The following OR6B3 variants were observed in gnomAD, a reference collection of about 807,000 sequenced individuals.
OR6B3 encodes olfactory receptor 6B3.
For missense variants in OR6B3, 315 were observed against 427.4 expected (o/e 0.74, Z 2.32); for synonymous variants, 148 against 187.8 (o/e 0.79, Z 1.73).
Position 240,045,417 on chromosome 2 carries a change from G to A in OR6B3, c.656C>T (p.Ala219Val), listed in dbSNP as rs781352179. 3.3e-5 allele frequency: 53 copies of A among 1,614,040 alleles called. No individual in the cohort carries two copies. In the Middle Eastern group the frequency reaches 4.9e-4, roughly 15 times the overall value. The change falls in exon 2 of 2, where the codon GCG (alanine) becomes GTG (valine). Residue 219 changes from alanine to valine, a missense_variant. Physicochemically the swap from Ala to Val is moderately conservative, Grantham distance 64. Transcript: ENST00000641019. ...GCGCAGGACAGCCAGGGTGATGTGC[G>A]CATATGACAGCATGGTGGCCAGGAG...
chr2:240,045,094 G>T, exon 2 of OR6B3: 1 of 1,596,788 alleles, frequency 6.3e-7, no homozygotes, highest in Non-Finnish European at 8.5e-7. Flanking sequence ...GGCTGGCTGT[G>T]TATTTGGAGA....
At chr2:240,048,810 G>T (rs747567369), upstream of OR6B3, among the ~76,000 whole-genome samples, 11 of 152,202 alleles carry the variant, frequency 7.2e-5, no homozygotes, top group Non-Finnish European at 1.6e-4. Flanking sequence ...GATCTTTAAA[G>T]AAAAGGAGAA....
At chr2:240,051,077 CA>C (rs556241871), upstream of OR6B3, among the ~76,000 whole-genome samples, 126 of 152,148 alleles carry the variant, frequency 8.3e-4, no homozygotes, top group African/African-American at 3.0e-3. Context: ...TCGATAGCAG[CA>C]AAAACTTGTT....
chr2:240,049,846 A>G (rs1359639075), upstream of OR6B3, among the ~76,000 whole-genome samples: 1 of 152,156 alleles, frequency 6.6e-6, no homozygotes. Flanking sequence ...GGGAAAGGAT[A>G]AGATTGTAAT....
At chr2:240,049,975 G>C (rs1306000434), upstream of OR6B3, among the ~76,000 whole-genome samples, 1 of 151,882 alleles carries the variant, frequency 6.6e-6, no homozygotes. Flanking sequence ...GTAAATCATG[G>C]TTTTTAAAAG....
upstream of OR6B3, among the ~76,000 whole-genome samples, chr2:240,047,781 A>G (rs114351873): frequency 0.012 from 1,771 of 152,322 alleles, 27 homozygotes; most frequent in African/African-American, 0.04. Context: ...AGATTAAATG[A>G]CTGAATGAGA....
downstream of OR6B3, chr2:240,044,931 A>G: frequency 4.3e-6 from 3 of 689,734 alleles, no homozygotes. Flanking sequence ...TACAAAAACA[A>G]GAAAGTACTG....
chr2:240,048,704 C>G (rs1353506294), upstream of OR6B3, among the ~76,000 whole-genome samples: 1 of 152,220 alleles, frequency 6.6e-6, no homozygotes, highest in Non-Finnish European at 1.5e-5. Flanking sequence ...TAACACGGTG[C>G]AGCAAAAGCT....
upstream of OR6B3, among the ~76,000 whole-genome samples, chr2:240,047,503 C>A (rs1166750150): frequency 6.6e-6 from 1 of 152,184 alleles, no homozygotes; most frequent in Admixed American, 6.5e-5. Context: ...CGTGAAGGTA[C>A]AAGGTGGTGG....
At chr2:240,045,558 T>C (rs924934233) in exon 2 of OR6B3, 2 of 1,565,524 alleles carry the variant, frequency 1.3e-6, no homozygotes, top group African/African-American at 2.7e-5. Flanking sequence ...GTTCAAGACG[T>C]TGGAGCCACA....
At chr2:240,050,707 C>A (rs1215192560), upstream of OR6B3, among the ~76,000 whole-genome samples, 1 of 141,324 alleles carries the variant, frequency 7.1e-6, no homozygotes, top group African/African-American at 2.7e-5. Flanking sequence ...GAGTAAGACT[C>A]CGTCTCAAAG....
upstream of OR6B3, among the ~76,000 whole-genome samples, chr2:240,048,957 C>A (rs1387901758): frequency 6.6e-6 from 1 of 152,172 alleles, no homozygotes; most frequent in East Asian, 1.9e-4. Context: ...GTCCAGAAAG[C>A]CTCACCAGGG....
chr2:240,045,681 C>T (rs1698176144), exon 2 of OR6B3: 7 of 1,356,160 alleles, frequency 5.2e-6, no homozygotes, highest in African/African-American at 4.4e-5. Flanking sequence ...GACGTGGTAG[C>T]GCAGCGGGTG....
upstream of OR6B3, among the ~76,000 whole-genome samples, chr2:240,050,721 C>CAAAAAAAAA (rs61309204): frequency 1.7e-5 from 1 of 57,336 alleles, no homozygotes; most frequent in Non-Finnish European, 4.2e-5. Context: ...CTCAAAGAGA[C>CAAAAAAAAA]AAAAAAAAAA....
rs375040531 is a variant in OR6B3, at chr2:240,045,117, A to G, written c.956T>C (p.Leu319Pro). Residue 319 changes from leucine to proline, a missense_variant, in exon 2 of 2, where the codon CTT (leucine) becomes CCT (proline). Leu to Pro is a moderately conservative substitution (Grantham distance 98). Coordinates refer to ENST00000641019, the Ensembl canonical transcript of OR6B3. ...GTGTATTTGGAGATGAAGTTCCAGA[A>G]GACTAGAAAGCCTCCCCTCTACGGC... 61 of 1,607,622 alleles carry G rather than the reference A, an allele frequency of 3.8e-5. No homozygotes were observed. The highest frequency in any genetic ancestry group is 5.1e-5 in the Non-Finnish European group (60 of 1,177,952).
At chr2:240,052,267 G>A in the OR6B3 span, among the ~76,000 whole-genome samples, 1 of 152,138 alleles carries the variant, frequency 6.6e-6, no homozygotes, top group East Asian at 1.9e-4. The surrounding 1 kb of genome is among the most constrained non-coding windows in gnomAD (Gnocchi z 4.5). Context: ...TATTTTTCTT[G>A]AAACAGGATG....
At chr2:240,050,662 G>A (rs1036622838), upstream of OR6B3, among the ~76,000 whole-genome samples, 2 of 151,014 alleles carry the variant, frequency 1.3e-5, no homozygotes, top group Middle Eastern at 3.4e-3. Flanking sequence ...TGCAGTGGGC[G>A]GAGATGGCAT....
chr2:240,044,987 C>T (rs985582383), downstream of OR6B3: 1 of 1,260,198 alleles, frequency 7.9e-7, no homozygotes, highest in Middle Eastern at 2.0e-4. Context: ...ACCTCAACCT[C>T]AGTTTTTTTC....
exon 2 of OR6B3, chr2:240,045,724 A>G: frequency 7.3e-7 from 1 of 1,371,946 alleles, no homozygotes; most frequent in Non-Finnish European, 1.0e-6. Flanking sequence ...TAGGCCATGG[A>G]GGCCAGAAGC....
Sources: allele counts gnomAD v4.1 joint callset (sites outside exome capture counted in the v4.1 genomes callset), GRCh38; gene constraint gnomAD v4.1.1; non-coding constraint Gnocchi (gnomAD v3.1); transcripts MANE v1.5; gene names NCBI Gene and HGNC (gene_info 2026-07-23, HGNC 2026-07-21).